Variants in VWA8 observed in about 807,000 individuals in gnomAD.
The protein encoded by VWA8 is von Willebrand factor A domain-containing protein 8.
A neutral mutation model predicts 241.5 loss-of-function variants in VWA8; 221 were observed. The observed-to-expected ratio is 0.91, with a 90% CI of 0.82 to 1.02. VWA8 has a LOEUF of 1.02. Ranked by LOEUF, VWA8 falls within the 50% of genes least tolerant of loss-of-function variation. VWA8 has a pLI of 0.00. For missense variants in VWA8, 2,322 were observed against 2,328.7 expected (o/e 1.00, Z 0.06); for synonymous variants, 852 against 827.1 (o/e 1.03, Z -0.52).
At chr13:41,731,742 T>C (rs972259912) in intron 22 of VWA8, among the ~76,000 whole-genome samples, 9 of 152,042 alleles carry the variant, frequency 5.9e-5, no homozygotes, top group African/African-American at 1.9e-4. Flanking sequence ...ATGGGGGCAG[T>C]TTCCCCCATA....
intron 37 of VWA8, among the ~76,000 whole-genome samples, chr13:41,621,002 G>A (rs913867033): frequency 3.3e-5 from 5 of 152,070 alleles, no homozygotes; most frequent in African/African-American, 1.2e-4. Flanking sequence ...GATCAAAGTA[G>A]GGTTTTCATT....
chr13:41,582,393 G>A (rs777822734), intron 42 of VWA8, among the ~76,000 whole-genome samples: 1 of 152,128 alleles, frequency 6.6e-6, no homozygotes, highest in Non-Finnish European at 1.5e-5. Flanking sequence ...GGAGAGTCCA[G>A]AGCACAGACC....
intron 26 of VWA8, among the ~76,000 whole-genome samples, chr13:41,706,088 G>GTA (rs2045280864): frequency 6.6e-6 from 1 of 151,846 alleles, no homozygotes; most frequent in Admixed American, 6.6e-5. Flanking sequence ...TTCATAAACC[G>GTA]TACCAAACAA....
At chr13:41,614,038 C>A (rs1009213900) in intron 38 of VWA8, among the ~76,000 whole-genome samples, 13 of 152,202 alleles carry the variant, frequency 8.5e-5, no homozygotes, top group Admixed American at 2.6e-4. Flanking sequence ...CTGGCCAGCT[C>A]GTCCCACAAT....
intron 40 of VWA8, among the ~76,000 whole-genome samples, chr13:41,597,982 G>C (rs1404979285): frequency 6.6e-6 from 1 of 151,922 alleles, no homozygotes; most frequent in East Asian, 1.9e-4. Flanking sequence ...CTCTCCCCTA[G>C]AGCACTGCAG....
At chr13:41,840,520 A>C (rs1422803255) in intron 12 of VWA8, among the ~76,000 whole-genome samples, 2 of 152,008 alleles carry the variant, frequency 1.3e-5, no homozygotes, top group Non-Finnish European at 2.9e-5. Flanking sequence ...CACTTTGGGA[A>C]GCTAAGGTGG....
chr13:41,775,089 A>C (rs1189385273), intron 20 of VWA8, among the ~76,000 whole-genome samples: 1 of 152,190 alleles, frequency 6.6e-6, no homozygotes, highest in African/African-American at 2.4e-5. Flanking sequence ...TGAGGAAAAA[A>C]AGCATTTACA....
intron 2 of VWA8, among the ~76,000 whole-genome samples, chr13:41,937,845 G>C (rs1011242344): frequency 6.6e-6 from 1 of 152,074 alleles, no homozygotes; most frequent in Non-Finnish European, 1.5e-5. Context: ...AGCAACAAGA[G>C]GAATTAAGCA....
chr13:41,671,051 A>G lies in VWA8; in HGVS notation c.4506T>C (p.Val1502=). 2 of 1,614,026 alleles carry G rather than the reference A, an allele frequency of 1.2e-6. No individual in the cohort carries two copies. The highest frequency in any genetic ancestry group is 1.7e-6 in the Non-Finnish European group (2 of 1,179,906). The change falls in exon 37 of 45, where the codon GTT becomes GTC. Residue 1502 remains valine, a synonymous_variant. Transcript: ENST00000379310. The part of the protein sequence containing the change: ...AEWDKSGVVT[V]DMGGHIRLWE... ...AAAGCCTGATGTGACCTCCCATATC[A>G]ACAGTAACAACACCGCTTTTGTCCC... is the stretch of plus-strand genomic sequence containing the variant.
chr13:41,765,077 G>A (rs539880735), intron 20 of VWA8, among the ~76,000 whole-genome samples: 1 of 152,180 alleles, frequency 6.6e-6, no homozygotes, highest in African/African-American at 2.4e-5. Context: ...ATGAGGGCCT[G>A]GAGTTAAGGA....
At chr13:41,917,188 A>C (rs1876300114) in intron 2 of VWA8, among the ~76,000 whole-genome samples, 1 of 152,212 alleles carries the variant, frequency 6.6e-6, no homozygotes, top group African/African-American at 2.4e-5. Flanking sequence ...TTTCATACAT[A>C]TAAAAGTTAA....
intron 4 of VWA8, among the ~76,000 whole-genome samples, chr13:41,894,037 T>A (rs948405332): frequency 3.3e-5 from 5 of 152,254 alleles, no homozygotes; most frequent in African/African-American, 1.2e-4. Flanking sequence ...CTAAAACTTT[T>A]AGCAATCTTT....
chr13:41,595,621 C>T lies in VWA8; in HGVS notation c.4987-4856G>A, dbSNP rs149126011. Among the ~76,000 whole-genome samples the T allele has an allele frequency of 3.1e-4, 47 of 152,236 alleles. No homozygotes were observed. In the South Asian group the frequency reaches 4.1e-3, roughly 13 times the overall value. On this transcript the variant is annotated intron_variant, in intron 40 of 44. Coordinates refer to ENST00000379310, the MANE Select transcript of VWA8 (RefSeq NM_015058.2). The stretch of plus-strand genomic sequence containing the variant: ...TAAATATGAAATCATACAATATATA[C>T]TCTTTTGTTTCTGGCTTGTGTGGCT...
intron 34 of VWA8, 26 bp downstream of exon 34, chr13:41,689,328 C>A: frequency 6.3e-7 from 1 of 1,596,524 alleles, no homozygotes; most frequent in South Asian, 1.1e-5. Flanking sequence ...AACATTTATC[C>A]GATAATTTAA....
At chr13:41,688,300 T>C (rs903080416) in intron 34 of VWA8, among the ~76,000 whole-genome samples, 3 of 152,056 alleles carry the variant, frequency 2.0e-5, no homozygotes, top group African/African-American at 7.2e-5. Flanking sequence ...TGGAGTACCG[T>C]CAAGCAGAGC....
At chr13:41,946,819 G>C (rs886700617) in intron 2 of VWA8, among the ~76,000 whole-genome samples, 1 of 152,070 alleles carries the variant, frequency 6.6e-6, no homozygotes, top group South Asian at 2.1e-4. Flanking sequence ...CTTTAGTCAG[G>C]TTTCTAAACC....
intron 12 of VWA8, among the ~76,000 whole-genome samples, chr13:41,858,461 C>A (rs988215876): frequency 1.4e-4 from 21 of 151,942 alleles, no homozygotes; most frequent in African/African-American, 3.9e-4. Flanking sequence ...CAAAAATTAG[C>A]CGGGTGTGGT....
chr13:41,808,729 C>T (rs187063951), intron 17 of VWA8, among the ~76,000 whole-genome samples: 2 of 151,992 alleles, frequency 1.3e-5, no homozygotes, highest in East Asian at 3.9e-4. Flanking sequence ...CTCTGTTATC[C>T]AACACAGTAG....
At chr13:41,730,478 T>C (rs931724091) in intron 22 of VWA8, among the ~76,000 whole-genome samples, 1 of 146,028 alleles carries the variant, frequency 6.8e-6, no homozygotes, top group Non-Finnish European at 1.5e-5. Flanking sequence ...GGGAATCTGA[T>C]TTGAGGGAGG....
Sources: gnomAD v4.1 joint callset for allele counts (sites outside exome capture counted in the v4.1 genomes callset) on GRCh38, gnomAD v4.1.1 for gene constraint, MANE v1.5 for transcripts, NCBI Gene and HGNC (gene_info 2026-07-23, HGNC 2026-07-21) for gene names.